The following PIEZO2 variants were observed in gnomAD, a reference collection of about 807,000 sequenced individuals.
The protein encoded by PIEZO2 is piezo-type mechanosensitive ion channel component 2.
Under a neutral mutation model 337.3 loss-of-function variants are expected in PIEZO2, and 172 were observed. The ratio of observed to expected loss-of-function variants is 0.51; its 90% CI spans 0.45 to 0.58. The LOEUF is 0.58. PIEZO2 is among the 20% of genes least tolerant of loss of function. The probability of loss-of-function intolerance (pLI) is 0.00; values close to 1 mark genes in which losing one functional copy is unlikely to be tolerated. For missense variants in PIEZO2, 3,028 were observed against 3,391.3 expected, an observed-to-expected ratio of 0.89 and a Z score of 2.66; for synonymous variants, 1,251 against 1,228.5, an observed-to-expected ratio of 1.02 and a Z score of -0.38.
chr18:10,871,124 C>T lies in PIEZO2; in HGVS notation c.492+129G>A, dbSNP rs548886808. On this transcript the variant is annotated intron_variant, in intron 5 of 55. Transcript: ENST00000674853. ...GGGTGTCATGCAATTTGACAGTAAA[C>T]GTTTATGTCAAGCACTGTGAATCAT... 7.1e-4 allele frequency: 697 copies of T among 986,494 alleles called. 6 individuals are homozygous for T. The South Asian group carries it at 0.011, about 15-fold the overall frequency. 61.1% of individuals were successfully genotyped at this position (986,494 alleles called of 1,614,324 possible).
intron 5 of PIEZO2, among the ~76,000 whole-genome samples, chr18:10,866,423 C>T (rs1024743743): frequency 3.9e-5 from 6 of 151,940 alleles, no homozygotes; most frequent in South Asian, 4.2e-4. Context: ...GTAGGTGGGA[C>T]TACAGGCACC....
chr18:11,030,612 G>A (rs1390595350), intron 2 of PIEZO2, among the ~76,000 whole-genome samples: 3 of 152,110 alleles, frequency 2.0e-5, no homozygotes, highest in African/African-American at 7.2e-5. Context: ...AACAATGTCA[G>A]CTTGGCTCGT....
rs774265721 is a variant in PIEZO2, at chr18:10,813,923, T to G, written c.918-6649A>C. Among the ~76,000 whole-genome samples, 4 of 152,144 alleles carry G rather than the reference T, an allele frequency of 2.6e-5. No individual in the cohort carries two copies. Among genetic ancestry groups the G allele is most frequent in the African/African-American group, 9.7e-5 (4 of 41,432 alleles). ...AGCCTTGCCAAGTCTTGTTATTTTATGCTTTTCAGAGTAGTCATCCTAATA... is the reference window on the plus strand; with the variant it reads ...AGCCTTGCCAAGTCTTGTTATTTTAGGCTTTTCAGAGTAGTCATCCTAATA... On this transcript the variant is annotated intron_variant, in intron 7 of 55. Coordinates refer to ENST00000674853, the MANE Select transcript of PIEZO2 (RefSeq NM_001378183.1). This position sits in a 1 kb window ranked among gnomAD's most constrained non-coding sequence, Gnocchi z 4.2.
In PIEZO2 at chr18:10,723,692, G is replaced by T. The variant is rs368414900; in HGVS notation, c.5030-5433C>A. ...AGCCTCTCCAGGCAGTCTCTGGGGGGAGACGGGATTGGACTGAGTCCTGGA... is the reference window on the plus strand; with the variant it reads ...AGCCTCTCCAGGCAGTCTCTGGGGGTAGACGGGATTGGACTGAGTCCTGGA... On this transcript the variant is annotated intron_variant, in intron 36 of 55. Transcript: ENST00000674853. 3.7e-4 allele frequency among the ~76,000 whole-genome samples: 57 copies of T among 152,282 alleles called. 1 individual carries two copies. Among genetic ancestry groups the T allele is most frequent in the South Asian group, 1.2e-3 (6 of 4,816 alleles).
Position 11,112,831 on chromosome 18 carries a change from G to A in PIEZO2, c.64+35694C>T, listed in dbSNP as rs900818243. ...CAAGAGGAAGAGGCGCTATGGAGAA[G>A]AAGGAGCAAGCCAGTCTGTGCAGAA... On this transcript the variant is annotated intron_variant, in intron 1 of 55. Transcript: ENST00000674853. The surrounding 1 kb of genome is among the most constrained non-coding windows in gnomAD (Gnocchi z 4.3). Among the ~76,000 whole-genome samples the A allele has an allele frequency of 2.0e-5, 3 of 152,162 alleles. No homozygotes were observed. Among genetic ancestry groups the A allele is most frequent in the African/African-American group, 7.2e-5 (3 of 41,444 alleles).
intron 29 of PIEZO2, 141 bp downstream of exon 29, chr18:10,749,950 T>C (rs2037581871): frequency 3.2e-6 from 2 of 622,742 alleles, no homozygotes; most frequent in South Asian, 1.9e-5. Flanking sequence ...CACAATGTAC[T>C]ACAGTTCTAC....
At chr18:11,030,815 A>C (rs2036709080) in intron 2 of PIEZO2, among the ~76,000 whole-genome samples, 1 of 152,156 alleles carries the variant, frequency 6.6e-6, no homozygotes, top group African/African-American at 2.4e-5. Flanking sequence ...CAAAAAGCAA[A>C]GTTTATCTAT....
At chr18:10,732,294 G>A (rs756339010) in intron 35 of PIEZO2, among the ~76,000 whole-genome samples, 1 of 152,196 alleles carries the variant, frequency 6.6e-6, no homozygotes, top group African/African-American at 2.4e-5. Flanking sequence ...AGCCAAGCAG[G>A]CATGCCTCTC....
At chr18:10,994,599 G>T (rs1387605023) in intron 2 of PIEZO2, among the ~76,000 whole-genome samples, 2 of 151,044 alleles carry the variant, frequency 1.3e-5, no homozygotes, top group East Asian at 4.0e-4. Flanking sequence ...TAGTAGAGAC[G>T]GGGTTTCACC....
intron 35 of PIEZO2, among the ~76,000 whole-genome samples, chr18:10,734,804 G>A (rs12956567): frequency 0.22 from 33,096 of 152,026 alleles, 3,859 homozygotes; most frequent in South Asian, 0.32. Flanking sequence ...AAAGGGACCC[G>A]AATGAGAGAC....
intron 3 of PIEZO2, among the ~76,000 whole-genome samples, chr18:10,924,907 TAAAG>T (rs1269938022): frequency 2.0e-5 from 3 of 152,190 alleles, no homozygotes; most frequent in Non-Finnish European, 4.4e-5. Flanking sequence ...TAAAATTAAA[TAAAG>T]AAATGCCATA....
chr18:10,830,923 T>G lies in PIEZO2; in HGVS notation c.918-23649A>C, dbSNP rs575148685. Among the ~76,000 whole-genome samples, 415 of 152,324 alleles carry G rather than the reference T, an allele frequency of 2.7e-3. No homozygotes were observed. Among genetic ancestry groups the G allele is most frequent in the African/African-American group, 9.6e-3 (401 of 41,578 alleles). ...GACATACAAATGGCAAACAGGCATA[T>G]GCAAAAGTGCTTAGCATAATTTATC... On this transcript the variant is annotated intron_variant, in intron 7 of 55. Transcript: ENST00000674853. This position sits in a 1 kb window ranked among gnomAD's most constrained non-coding sequence, Gnocchi z 4.7.
At chr18:10,883,456 G>C (rs1191907947) in intron 4 of PIEZO2, among the ~76,000 whole-genome samples, 3 of 151,752 alleles carry the variant, frequency 2.0e-5, no homozygotes, top group African/African-American at 7.3e-5. Flanking sequence ...TGTTATTCTT[G>C]AACTTACAAA....
chr18:11,093,984 CTTTCTTTTTT>C (rs2039183424), intron 1 of PIEZO2, among the ~76,000 whole-genome samples: 1 of 141,762 alleles, frequency 7.1e-6, no homozygotes, highest in Non-Finnish European at 1.5e-5. Context: ...GTTTTTTTTT[CTTTCTTTTTT>C]TGAGACAGTG....
rs2042332518 is a variant in PIEZO2, at chr18:10,878,754, G to T, written c.330-7339C>A. 6.6e-6 allele frequency among the ~76,000 whole-genome samples: 1 copy of T among 151,186 alleles called. No individual in the cohort carries two copies. The highest frequency in any genetic ancestry group is 2.1e-4 in the South Asian group (1 of 4,798). ...AGTAAAGTCAGAAACACAGGGTAAG[G>T]TCAGACCATACAAAGCTTGGATGTT... On this transcript the variant is annotated intron_variant, in intron 4 of 55. Coordinates refer to ENST00000674853, the MANE Select transcript of PIEZO2 (RefSeq NM_001378183.1). This position sits in a 1 kb window ranked among gnomAD's most constrained non-coding sequence, Gnocchi z 4.3.
intron 7 of PIEZO2, among the ~76,000 whole-genome samples, chr18:10,812,163 G>T (rs540586881): frequency 6.6e-6 from 1 of 152,320 alleles, no homozygotes; most frequent in East Asian, 1.9e-4. Flanking sequence ...GAGAATCCAG[G>T]TTTATAATGA....
At position 10,807,150 on chromosome 18, in the gene PIEZO2, G is replaced by C; in HGVS notation, c.1042C>G (p.Leu348Val). ...PILLLVMYYTLATLIRIWLQE... is the reference protein window; with the variant it reads ...PILLLVMYYTVATLIRIWLQE... Reference sequence around the variant, plus strand: ...AGCCAGATGCGGATCAGAGTGGCCAGAGTGTAGTACATCACCAGCAGGAGG... The same window carrying C: ...AGCCAGATGCGGATCAGAGTGGCCACAGTGTAGTACATCACCAGCAGGAGG... The change falls in exon 8 of 56, where the codon CTG becomes GTG. Residue 348 changes from leucine (L) to valine (V), a missense_variant. Leu to Val is a conservative substitution (Grantham distance 32). This residue lies in a region of PIEZO2 where 542 missense variants were observed against 605.6 expected (regional missense o/e 0.89). Transcript: ENST00000674853. The C allele has an allele frequency of 6.5e-7, 1 of 1,537,250 alleles. No homozygotes were observed. The highest frequency in any genetic ancestry group is 8.7e-7 in the Non-Finnish European group (1 of 1,146,892).
intron 11 of PIEZO2, 140 bp downstream of exon 11, chr18:10,800,197 G>T: frequency 8.3e-7 from 1 of 1,210,638 alleles, no homozygotes; most frequent in Non-Finnish European, 1.1e-6. Flanking sequence ...AATGCAGGCA[G>T]AACTTAAAGA....
intron 47 of PIEZO2, among the ~76,000 whole-genome samples, chr18:10,693,329 T>G (rs1443782326): frequency 6.7e-6 from 1 of 150,348 alleles, no homozygotes; most frequent in Non-Finnish European, 1.5e-5. Flanking sequence ...GCCGCATGGT[T>G]TTGCTTCTTG....
Sources: allele counts gnomAD v4.1 joint callset (sites outside exome capture counted in the v4.1 genomes callset), GRCh38; gene constraint gnomAD v4.1.1; regional missense constraint gnomAD v4.1.1; non-coding constraint Gnocchi (gnomAD v3.1); transcripts MANE v1.5; gene names NCBI Gene and HGNC (gene_info 2026-07-23, HGNC 2026-07-21).